ECT2L: variants seen among roughly 807,000 people sequenced by gnomAD.
The protein encoded by ECT2L is epithelial cell transforming 2 like.
In ECT2L, 126 loss-of-function variants were observed where a neutral mutation model predicts 122.8. That is an observed-to-expected ratio of 1.03 (90% CI 0.89 to 1.19). The LOEUF (loss-of-function observed/expected upper bound fraction) is 1.19. ECT2L is among the 50% of genes most tolerant of loss of function. The pLI is 0.00. For missense variants in ECT2L, 1,012 were observed against 1,064.1 expected, an observed-to-expected ratio of 0.95 and a Z score of 0.68; for synonymous variants, 385 against 381.8, an observed-to-expected ratio of 1.01 and a Z score of -0.10.
At chr6:138,863,130 C>T (rs1164506722) in intron 11 of ECT2L, among the ~76,000 whole-genome samples, 3 of 152,144 alleles carry the variant, frequency 2.0e-5, no homozygotes, top group African/African-American at 7.2e-5. Flanking sequence ...ATTACAGTAG[C>T]ATTATCTGAG....
At chr6:138,842,935 TG>T (rs1234319118) in intron 5 of ECT2L, 43 bp from the exon 6 acceptor site, 4 of 1,408,170 alleles carry the variant, frequency 2.8e-6, no homozygotes, top group Non-Finnish European at 3.7e-6. Context: ...GCTAGAAAAC[TG>T]TCTGAAAACA....
chr6:138,881,223 C>G, intron 15 of ECT2L, 52 bp downstream of exon 15: 1 of 1,527,960 alleles, frequency 6.5e-7, no homozygotes, highest in Non-Finnish European at 8.9e-7. Flanking sequence ...CTGAGAAGAG[C>G]CCATGCTTTA....
At chr6:138,873,896 G>GTGTGTGTGTGTGTA (rs1554277013) in intron 13 of ECT2L, among the ~76,000 whole-genome samples, 48 of 149,794 alleles carry the variant, frequency 3.2e-4, no homozygotes, top group African/African-American at 1.1e-3. Flanking sequence ...GTGTGTGTGT[G>GTGTGTGTGTGTGTA]TGTGTGTGTG....
At chr6:138,895,877 C>T (rs1779190682) in intron 20 of ECT2L, among the ~76,000 whole-genome samples, 3 of 151,994 alleles carry the variant, frequency 2.0e-5, no homozygotes, top group Admixed American at 2.0e-4. Context: ...ATAACTATGA[C>T]ACAAAAAGAA....
At chr6:138,891,588 TC>T (rs35059123) in intron 20 of ECT2L, among the ~76,000 whole-genome samples, 120,917 of 152,004 alleles carry the variant, frequency 0.8, 48,272 homozygotes, top group African/African-American at 0.85. Context: ...ATCTTTTGAA[TC>T]CCCCCCATGA....
At chr6:138,882,047 G>A (rs949953924) in intron 15 of ECT2L, among the ~76,000 whole-genome samples, 1 of 152,182 alleles carries the variant, frequency 6.6e-6, no homozygotes, top group Non-Finnish European at 1.5e-5. Flanking sequence ...GATTTAATGG[G>A]ATTAAGCCAC....
rs755695240 is a variant in ECT2L, at chr6:138,881,037, G to A, written c.1746G>A (p.Val582=). ...TCTTACAGAGTGAGAGAAAATACGT[G>A]CAGATACTGGAAATTGTGAGAGATG... ...RELLQSERKY[V]QILEIVRDVY... Residue 582 remains valine, a synonymous_variant, in exon 15 of 22, where the codon GTG becomes GTA. Transcript: ENST00000541398. The A allele has an allele frequency of 3.7e-6, 6 of 1,614,180 alleles. No homozygotes were observed. Among genetic ancestry groups the A allele is most frequent in the Non-Finnish European group, 2.5e-6 (3 of 1,180,024 alleles).
intron 19 of ECT2L, among the ~76,000 whole-genome samples, chr6:138,888,328 T>C (rs1434009598): frequency 2.0e-5 from 3 of 149,864 alleles, no homozygotes; most frequent in African/African-American, 7.3e-5. Flanking sequence ...TTTTTTTTTT[T>C]TTTTTTGAGA....
intron 20 of ECT2L, among the ~76,000 whole-genome samples, chr6:138,890,575 C>CAGCAA: frequency 7.2e-6 from 1 of 138,486 alleles, no homozygotes; most frequent in East Asian, 2.4e-4. Flanking sequence ...GCTACCAAAC[C>CAGCAA]AGCAATTCTA....
chr6:138,836,314 G>A (rs1390496332), intron 4 of ECT2L, among the ~76,000 whole-genome samples: 1 of 141,076 alleles, frequency 7.1e-6, no homozygotes, highest in Non-Finnish European at 1.5e-5. Flanking sequence ...TTTTGAGATG[G>A]AGTTTTGCTC....
At chr6:138,802,513 C>T (rs990461650) in intron 1 of ECT2L, among the ~76,000 whole-genome samples, 6 of 152,168 alleles carry the variant, frequency 3.9e-5, no homozygotes, top group Admixed American at 6.6e-5. Flanking sequence ...ATTATTTTCC[C>T]CTTTTGAAGA....
At chr6:138,810,751 A>G (rs1030726084) in intron 1 of ECT2L, among the ~76,000 whole-genome samples, 1 of 151,952 alleles carries the variant, frequency 6.6e-6, no homozygotes, top group Admixed American at 6.5e-5. Context: ...TTCCACCATG[A>G]TATATATTAT....
chr6:138,810,698 T>C (rs1775864039), intron 1 of ECT2L, among the ~76,000 whole-genome samples: 1 of 152,224 alleles, frequency 6.6e-6, no homozygotes, highest in Non-Finnish European at 1.5e-5. Flanking sequence ...TATGTCATCC[T>C]TCTTTAAGAA....
At chr6:138,827,556 A>G (rs1243176736) in intron 4 of ECT2L, among the ~76,000 whole-genome samples, 2 of 150,180 alleles carry the variant, frequency 1.3e-5, no homozygotes, top group African/African-American at 4.9e-5. Flanking sequence ...CTGGGTTATT[A>G]TTTGTTTTGT....
intron 21 of ECT2L, among the ~76,000 whole-genome samples, 162 bp downstream of exon 21, chr6:138,901,282 A>G (rs1029419986): frequency 4.6e-5 from 7 of 152,232 alleles, no homozygotes; most frequent in African/African-American, 1.4e-4. Flanking sequence ...ACTTTCATCT[A>G]CTTTTGAAAT....
chr6:138,846,616 G>C lies in ECT2L; in HGVS notation c.842G>C (p.Arg281Thr). 1 of 1,611,348 alleles carries C rather than the reference G, an allele frequency of 6.2e-7. No individual in the cohort carries two copies. The highest frequency in any genetic ancestry group is 8.5e-7 in the Non-Finnish European group (1 of 1,179,056). ...CATGGAGTTCATAAAAATGATGACA[G>C]ATCTTCATATGCTCTCCGGCCACAC... Reference protein sequence around the residue: ...NWHGVHKNDDRSSYALRPHFM... With the variant: ...NWHGVHKNDDTSSYALRPHFM... Residue 281 changes from arginine to threonine, a missense_variant, in exon 8 of 22, where the codon AGA becomes ACA. Arg to Thr is a moderately conservative substitution (Grantham distance 71). Transcript: ENST00000541398.
chr6:138,883,638 C>T (rs1778715085), intron 16 of ECT2L, among the ~76,000 whole-genome samples: 1 of 152,158 alleles, frequency 6.6e-6, no homozygotes, highest in Non-Finnish European at 1.5e-5. Context: ...TTCCTTCTAC[C>T]CCACCCAGGG....
intron 14 of ECT2L, among the ~76,000 whole-genome samples, chr6:138,880,659 T>A (rs1778613764): frequency 6.6e-6 from 1 of 152,198 alleles, no homozygotes; most frequent in Admixed American, 6.5e-5. Flanking sequence ...AGCACCAGCA[T>A]AAGACACCTA....
chr6:138,814,482 C>A lies in ECT2L; in HGVS notation c.67-9C>A. ...CAGCAAATGTCACTTCCTCCCCTCC[C>A]CCTTATAGCTCTTTCAGGAAAGAGT... On this transcript the variant is annotated splice_polypyrimidine_tract_variant and intron_variant, in intron 3 of 21. Transcript: ENST00000541398. 2 of 1,570,342 alleles carry A rather than the reference C, an allele frequency of 1.3e-6. No individual in the cohort carries two copies. The highest frequency in any genetic ancestry group is 1.7e-6 in the Non-Finnish European group (2 of 1,143,480).
Sources: gnomAD v4.1 joint callset for allele counts (sites outside exome capture counted in the v4.1 genomes callset) on GRCh38, gnomAD v4.1.1 for gene constraint, MANE v1.5 for transcripts, NCBI Gene and HGNC (gene_info 2026-07-23, HGNC 2026-07-21) for gene names.